Variants in SEMA5A observed in about 807,000 individuals in gnomAD.
SEMA5A encodes the protein semaphorin 5A.
A neutral mutation model predicts 135.5 loss-of-function variants in SEMA5A; 55 were observed. That is an observed-to-expected ratio of 0.41 (90% CI 0.33 to 0.51). The LOEUF is 0.51. SEMA5A is among the 20% of genes least tolerant of loss of function. SEMA5A has a pLI of 0.37. For synonymous variants in SEMA5A, 580 were observed against 546.5 expected (o/e 1.06, Z -0.85); for missense variants, 1,290 against 1,419.9 (o/e 0.91, Z 1.47).
chr5:9,193,999 C>A (rs542249113), intron 10 of SEMA5A, among the ~76,000 whole-genome samples: 134 of 152,346 alleles, frequency 8.8e-4, no homozygotes, highest in Non-Finnish European at 1.9e-3. Flanking sequence ...CCTCCTCATC[C>A]ACTTAACTAC....
chr5:9,538,445 C>T (rs2126374891), intron 1 of SEMA5A, among the ~76,000 whole-genome samples: 1 of 152,284 alleles, frequency 6.6e-6, no homozygotes, highest in African/African-American at 2.4e-5. Flanking sequence ...GCATCATGAA[C>T]TTCTCCCCCA....
Position 9,302,481 on chromosome 5 carries a change from T to A in SEMA5A, c.270+15891A>T, listed in dbSNP as rs3777314. 8.5e-5 allele frequency among the ~76,000 whole-genome samples: 13 copies of A among 152,328 alleles called. No individual in the cohort carries two copies. In the East Asian group the frequency reaches 2.5e-3, roughly 29 times the overall value. On this transcript the variant is annotated intron_variant, in intron 5 of 22. Transcript: ENST00000382496. ...ACTCAATCTCATACTTGCTTTACAT[T>A]TATGGTGGGGCTAAACAACAGATAG...
chr5:9,092,149 C>T (rs1004614817), intron 16 of SEMA5A, among the ~76,000 whole-genome samples: 2 of 152,180 alleles, frequency 1.3e-5, no homozygotes, highest in African/African-American at 4.8e-5. Context: ...CTGAGCGATG[C>T]CTCATACTCA....
At chr5:9,110,836 T>G (rs1363522357) in intron 15 of SEMA5A, among the ~76,000 whole-genome samples, 3 of 152,070 alleles carry the variant, frequency 2.0e-5, no homozygotes, top group African/African-American at 7.2e-5. Flanking sequence ...GTAACTATAG[T>G]CTCCCAGGGT....
At chr5:9,374,659 CAG>C (rs947026912) in intron 3 of SEMA5A, among the ~76,000 whole-genome samples, 2 of 144,114 alleles carry the variant, frequency 1.4e-5, no homozygotes, top group African/African-American at 5.3e-5. Context: ...GTGTGTGTGA[CAG>C]AGAGAGAGAA....
At chr5:9,451,078 T>C (rs1758625130) in intron 1 of SEMA5A, among the ~76,000 whole-genome samples, 1 of 152,158 alleles carries the variant, frequency 6.6e-6, no homozygotes, top group African/African-American at 2.4e-5. Flanking sequence ...CTGTCCTTGT[T>C]TGTGATTTTT....
intron 1 of SEMA5A, among the ~76,000 whole-genome samples, chr5:9,520,791 C>T (rs1321935533): frequency 6.6e-6 from 1 of 152,170 alleles, no homozygotes; most frequent in Non-Finnish European, 1.5e-5. Flanking sequence ...CCTGATCAGT[C>T]CTCCTGAAAA....
chr5:9,238,376 C>T (rs921886048), intron 5 of SEMA5A, among the ~76,000 whole-genome samples: 1 of 151,998 alleles, frequency 6.6e-6, no homozygotes, highest in Non-Finnish European at 1.5e-5. Flanking sequence ...CAAGATATAC[C>T]TGTAAATGAT....
intron 1 of SEMA5A, among the ~76,000 whole-genome samples, chr5:9,471,983 T>G (rs1759493380): frequency 6.6e-6 from 1 of 152,248 alleles, no homozygotes; most frequent in African/African-American, 2.4e-5. Context: ...TAATGCAAAT[T>G]ATTAAGAATC....
chr5:9,156,853 A>G lies in SEMA5A; in HGVS notation c.1274-2158T>C, dbSNP rs147246268. ...CAAATTAACAACAGTCCAAATGTCA[A>G]TATGCTCATATGTATTTCAAATTCT... is the stretch of plus-strand genomic sequence containing the variant. On this transcript the variant is annotated intron_variant, in intron 11 of 22. Coordinates refer to ENST00000382496, the MANE Select transcript of SEMA5A (RefSeq NM_003966.3). Among the ~76,000 whole-genome samples the G allele has an allele frequency of 2.0e-4, 30 of 152,392 alleles. No homozygotes were observed. In the East Asian group the frequency reaches 5.0e-3, roughly 25 times the overall value.
At chr5:9,287,430 A>G (rs1248673903) in intron 5 of SEMA5A, among the ~76,000 whole-genome samples, 1 of 152,182 alleles carries the variant, frequency 6.6e-6, no homozygotes, top group African/African-American at 2.4e-5. Context: ...GTACATTGCA[A>G]TTATTTTTAG....
At chr5:9,211,807 C>G (rs955378906) in intron 8 of SEMA5A, among the ~76,000 whole-genome samples, 1 of 152,204 alleles carries the variant, frequency 6.6e-6, no homozygotes, top group Admixed American at 6.5e-5. Context: ...GTATTTCAAA[C>G]AAACAGAATT....
chr5:9,328,464 G>A (rs1752972827), intron 4 of SEMA5A, among the ~76,000 whole-genome samples: 1 of 152,206 alleles, frequency 6.6e-6, no homozygotes, highest in Non-Finnish European at 1.5e-5. Flanking sequence ...CAAGCCAGCA[G>A]AGCAATGGGA....
chr5:9,447,030 G>A (rs1199806654), intron 1 of SEMA5A, among the ~76,000 whole-genome samples: 1 of 152,112 alleles, frequency 6.6e-6, no homozygotes, highest in Non-Finnish European at 1.5e-5. Context: ...CATAAAAGTT[G>A]GCTAACTGTG....
At chr5:9,407,410 A>C (rs533881759) in intron 2 of SEMA5A, among the ~76,000 whole-genome samples, 1 of 152,368 alleles carries the variant, frequency 6.6e-6, no homozygotes, top group African/African-American at 2.4e-5. Context: ...GGTTTCAAAA[A>C]TCAGTTATAT....
At chr5:9,362,577 TA>T (rs1209665618) in intron 3 of SEMA5A, among the ~76,000 whole-genome samples, 1 of 152,216 alleles carries the variant, frequency 6.6e-6, no homozygotes, top group African/African-American at 2.4e-5. Context: ...TAGGTAGTTT[TA>T]AGTCCGTCCT....
intron 1 of SEMA5A, among the ~76,000 whole-genome samples, chr5:9,539,873 T>C (rs1181234884): frequency 1.3e-5 from 2 of 152,206 alleles, no homozygotes; most frequent in African/African-American, 4.8e-5. Context: ...TTGTTGTGTA[T>C]TAGGAACTAG....
At chr5:9,093,524 T>C (rs985646011) in intron 16 of SEMA5A, among the ~76,000 whole-genome samples, 1 of 151,900 alleles carries the variant, frequency 6.6e-6, no homozygotes, top group Non-Finnish European at 1.5e-5. Flanking sequence ...CTGACGAATA[T>C]GGTGAAACCC....
At chr5:9,402,277 G>A (rs1756690526) in intron 2 of SEMA5A, among the ~76,000 whole-genome samples, 1 of 152,182 alleles carries the variant, frequency 6.6e-6, no homozygotes, top group Non-Finnish European at 1.5e-5. Flanking sequence ...TCTGGCTCTT[G>A]CAAAAGTGGA....
Sources: gnomAD v4.1 joint callset for allele counts (sites outside exome capture counted in the v4.1 genomes callset) on GRCh38, gnomAD v4.1.1 for gene constraint, MANE v1.5 for transcripts, NCBI Gene and HGNC (gene_info 2026-07-23, HGNC 2026-07-21) for gene names.